ARHGAP44: variants seen among roughly 807,000 people sequenced by gnomAD.
The protein encoded by ARHGAP44 is Rho GTPase activating protein 44.
A neutral mutation model predicts 106.8 loss-of-function variants in ARHGAP44; 43 were observed. The ratio of observed to expected loss-of-function variants is 0.40; its 90% CI spans 0.32 to 0.52. The LOEUF is 0.52. ARHGAP44 is among the 20% of genes least tolerant of loss of function. The pLI is 0.48. For synonymous variants in ARHGAP44, 439 were observed against 410.3 expected (o/e 1.07, Z -0.85); for missense variants, 866 against 1,050.5 (o/e 0.82, Z 2.43).
intron 4 of ARHGAP44, among the ~76,000 whole-genome samples, chr17:12,911,137 T>A (rs2037725127): frequency 1.3e-5 from 2 of 151,110 alleles, no homozygotes; most frequent in Non-Finnish European, 2.9e-5. Context: ...TCATAGGAGA[T>A]GTAAATGGAA....
rs2108541 is a variant in ARHGAP44, at chr17:12,893,479, A to C, written c.54-1461A>C. Among the ~76,000 whole-genome samples, 447 of 152,172 alleles carry C rather than the reference A, an allele frequency of 2.9e-3. 11 individuals are homozygous for C. The highest frequency in any genetic ancestry group is 0.027 in the Admixed American group (409 of 15,288). Reference sequence around the variant, plus strand: ...TGGGCGTGGGTGTCCAGGTGACCATATGATTTCCACTGGTCCTGCAGCAGA... The same window carrying C: ...TGGGCGTGGGTGTCCAGGTGACCATCTGATTTCCACTGGTCCTGCAGCAGA... On this transcript the variant is annotated intron_variant, in intron 1 of 20. Coordinates refer to ENST00000379672, the MANE Select transcript of ARHGAP44 (RefSeq NM_014859.6).
intron 1 of ARHGAP44, among the ~76,000 whole-genome samples, chr17:12,867,359 G>A (rs2150875863): frequency 6.6e-6 from 1 of 152,204 alleles, no homozygotes; most frequent in African/African-American, 2.4e-5. Flanking sequence ...TCATAGCCCT[G>A]CCCTGCTAGA....
chr17:12,859,610 A>G (rs1468391743), intron 1 of ARHGAP44, among the ~76,000 whole-genome samples: 1 of 152,184 alleles, frequency 6.6e-6, no homozygotes, highest in Non-Finnish European at 1.5e-5. Context: ...GAGATGTCTC[A>G]TTGTTATTCT....
chr17:12,792,140 A>G (rs2033781561), intron 1 of ARHGAP44, among the ~76,000 whole-genome samples: 1 of 151,824 alleles, frequency 6.6e-6, no homozygotes, highest in African/African-American at 2.4e-5. Context: ...CACCTTGAGG[A>G]TTTCGTTTTT....
intron 7 of ARHGAP44, among the ~76,000 whole-genome samples, chr17:12,934,921 G>A (rs549412982): frequency 6.6e-6 from 1 of 152,276 alleles, no homozygotes; most frequent in East Asian, 1.9e-4. Flanking sequence ...TAACATGGAG[G>A]ACAGAAGACA....
chr17:12,800,197 G>A (rs900075997), intron 1 of ARHGAP44, among the ~76,000 whole-genome samples: 3 of 152,190 alleles, frequency 2.0e-5, no homozygotes, highest in Non-Finnish European at 2.9e-5. Flanking sequence ...CTCGTTACCT[G>A]AAAATTACAA....
chr17:12,868,591 T>TATATATATATATA (rs2036305530), intron 1 of ARHGAP44, among the ~76,000 whole-genome samples: 2 of 47,152 alleles, frequency 4.2e-5, no homozygotes, highest in South Asian at 9.0e-4. Flanking sequence ...TATATGCATT[T>TATATATATATATA]TATATATATA....
chr17:12,868,767 C>T (rs1013519170), intron 1 of ARHGAP44, among the ~76,000 whole-genome samples: 12 of 151,112 alleles, frequency 7.9e-5, no homozygotes, highest in African/African-American at 2.7e-4. Flanking sequence ...AAGCAGTTCT[C>T]CTGCCTCAGC....
chr17:12,931,480 T>G (rs750759621), intron 7 of ARHGAP44, among the ~76,000 whole-genome samples: 43 of 151,944 alleles, frequency 2.8e-4, no homozygotes, highest in Non-Finnish European at 5.9e-4. Context: ...TAGCTGTAGT[T>G]CTAACTTAGT....
At chr17:12,813,641 C>T (rs2034504813) in intron 1 of ARHGAP44, among the ~76,000 whole-genome samples, 1 of 152,132 alleles carries the variant, frequency 6.6e-6, no homozygotes, top group Non-Finnish European at 1.5e-5. Context: ...AAAAAACCAG[C>T]TTGAGAGATG....
At chr17:12,868,103 C>T (rs1196784405) in intron 1 of ARHGAP44, among the ~76,000 whole-genome samples, 2 of 152,146 alleles carry the variant, frequency 1.3e-5, no homozygotes, top group Non-Finnish European at 2.9e-5. Flanking sequence ...GCTACAAAGA[C>T]TCTTTCCTCC....
intron 1 of ARHGAP44, among the ~76,000 whole-genome samples, chr17:12,821,476 A>G (rs1462615071): frequency 6.6e-6 from 1 of 152,194 alleles, no homozygotes; most frequent in Non-Finnish European, 1.5e-5. Context: ...AAGGCAAACA[A>G]GAGTCATTTT....
intron 16 of ARHGAP44, among the ~76,000 whole-genome samples, chr17:12,968,811 C>T (rs1173722907): frequency 6.6e-6 from 1 of 150,714 alleles, no homozygotes; most frequent in Non-Finnish European, 1.5e-5. Flanking sequence ...ACACTGTCGC[C>T]CAGGTTGGAG....
Position 12,978,036 on chromosome 17 carries a change from C to CAAAAAAAAAAAAAAA in ARHGAP44, c.1764-2016_1764-2002dup, listed in dbSNP as rs1157325814. On this transcript the variant is annotated intron_variant, in intron 18 of 20. Coordinates refer to ENST00000379672, the MANE Select transcript of ARHGAP44 (RefSeq NM_014859.6). ...TGGGCAACAGAGCAAGACTCCATCT[C>CAAAAAAAAAAAAAAA]AAAAAAAAAAAAAAAAAAAAGTGTG... Among the ~76,000 whole-genome samples the CAAAAAAAAAAAAAAA allele has an allele frequency of 4.8e-4, 43 of 89,286 alleles. 1 individual carries two copies. Among genetic ancestry groups the CAAAAAAAAAAAAAAA allele is most frequent in the African/African-American group, 2.0e-3 (41 of 21,012 alleles). The allele number at this position is 89,286 out of a possible 152,430, so 58.6% of individuals were successfully genotyped here. A position where few individuals can be genotyped will look rare whatever the true frequency, so the allele number is the denominator to read the frequency against.
intron 1 of ARHGAP44, among the ~76,000 whole-genome samples, chr17:12,792,460 T>C (rs2033794345): frequency 6.6e-6 from 1 of 152,222 alleles, no homozygotes; most frequent in Non-Finnish European, 1.5e-5. Context: ...TAAAACGGTT[T>C]ACCCCAGGGT....
chr17:12,816,786 C>G lies in ARHGAP44; in HGVS notation c.53+26895C>G, dbSNP rs141419798. Among the ~76,000 whole-genome samples the G allele has an allele frequency of 8.0e-3, 1,214 of 152,208 alleles. 24 individuals carry two copies. Among genetic ancestry groups the G allele is most frequent in the African/African-American group, 0.028 (1,172 of 41,540 alleles). On this transcript the variant is annotated intron_variant, in intron 1 of 20. Transcript: ENST00000379672. ...GAAAAAAGTGATAGAACCAAAAGGA[C>G]AAGTAGACAAATCCACAGTTATAGG...
chr17:12,968,655 G>A (rs1040021857), intron 16 of ARHGAP44, among the ~76,000 whole-genome samples: 6 of 152,014 alleles, frequency 3.9e-5, no homozygotes, highest in South Asian at 2.1e-4. Context: ...GCAGAGCCCC[G>A]CGAGACTAAG....
intron 6 of ARHGAP44, among the ~76,000 whole-genome samples, chr17:12,926,393 A>G (rs2038230128): frequency 6.8e-6 from 1 of 146,014 alleles, no homozygotes; most frequent in Admixed American, 7.0e-5. Flanking sequence ...TATTATATAT[A>G]ATATATATTG....
chr17:12,894,810 C>T lies in ARHGAP44; in HGVS notation c.54-130C>T, dbSNP rs895613759. 91 of 777,080 alleles carry T rather than the reference C, an allele frequency of 1.2e-4. No homozygotes were observed. In the Admixed American group the frequency reaches 2.2e-3, roughly 19 times the overall value. 48.1% of individuals were successfully genotyped at this position (777,080 alleles called of 1,614,324 possible). On this transcript the variant is annotated intron_variant, in intron 1 of 20. Transcript: ENST00000379672. ...CTAATAAATTCTAGTTTTCTCTATT[C>T]TCTTATTAAATGTTTCTACTACTCA...
Sources: gnomAD v4.1 joint callset for allele counts (sites outside exome capture counted in the v4.1 genomes callset) on GRCh38, gnomAD v4.1.1 for gene constraint, MANE v1.5 for transcripts, NCBI Gene and HGNC (gene_info 2026-07-23, HGNC 2026-07-21) for gene names.